Variants in COP1 observed in about 807,000 individuals in gnomAD.
The protein encoded by COP1 is E3 ubiquitin-protein ligase COP1.
A neutral mutation model predicts 101.3 loss-of-function variants in COP1; 24 were observed. The observed-to-expected ratio is 0.24, with a 90% CI of 0.17 to 0.33. The LOEUF is 0.33. COP1 is among the 10% of genes least tolerant of loss of function. COP1 has a pLI of 1.00. For synonymous variants in COP1, 347 were observed against 341.9 expected (o/e 1.01, Z -0.17); for missense variants, 663 against 906.2 (o/e 0.73, Z 3.45).
At chr1:176,179,712 G>A (rs1572711694) in intron 2 of COP1, among the ~76,000 whole-genome samples, 2 of 152,238 alleles carry the variant, frequency 1.3e-5, no homozygotes, top group East Asian at 3.9e-4. Flanking sequence ...ACTCCAGCCT[G>A]GTGAGAGAGT....
At chr1:176,049,860 C>T (rs1049153713) in intron 11 of COP1, among the ~76,000 whole-genome samples, 18 of 152,026 alleles carry the variant, frequency 1.2e-4, no homozygotes, top group African/African-American at 4.3e-4. Flanking sequence ...TCTGATAACC[C>T]AAGCAAAAGT....
At chr1:176,007,251 T>G (rs1177162021) in intron 15 of COP1, among the ~76,000 whole-genome samples, 1 of 152,126 alleles carries the variant, frequency 6.6e-6, no homozygotes, top group Non-Finnish European at 1.5e-5. Context: ...TCTTCTAAAT[T>G]TTTTTCAATG....
At chr1:176,052,278 A>T (rs1281505896) in intron 11 of COP1, among the ~76,000 whole-genome samples, 1 of 152,224 alleles carries the variant, frequency 6.6e-6, no homozygotes, top group Non-Finnish European at 1.5e-5. Context: ...TATCACCTAC[A>T]TGTCTAAGTA....
At chr1:176,139,912 T>C (rs1690407266) in intron 6 of COP1, among the ~76,000 whole-genome samples, 1 of 152,106 alleles carries the variant, frequency 6.6e-6, no homozygotes, top group African/African-American at 2.4e-5. Context: ...ACCATATATC[T>C]ACGTAAGAAA....
At chr1:176,143,013 A>C (rs1176958743) in intron 6 of COP1, among the ~76,000 whole-genome samples, 1 of 152,044 alleles carries the variant, frequency 6.6e-6, no homozygotes, top group Non-Finnish European at 1.5e-5. Context: ...AACATAAATA[A>C]AACAGAAAAC....
In COP1 at chr1:176,149,092, A is replaced by G. The variant is rs370017503; in HGVS notation, c.763-18T>C. 4.0e-6 allele frequency: 6 copies of G among 1,503,534 alleles called. No homozygotes were observed. The African/African-American group carries it at 8.3e-5, about 21-fold the overall frequency. 93.1% of individuals were successfully genotyped at this position (1,503,534 alleles called of 1,614,324 possible). A position where few individuals can be genotyped will look rare whatever the true frequency, so the allele number is the denominator to read the frequency against. ...TGTGATTCCTACAATAGAAAATTATAATTTTTCTTTTAAAAAATATAACTG... is the reference window on the plus strand; with the variant it reads ...TGTGATTCCTACAATAGAAAATTATGATTTTTCTTTTAAAAAATATAACTG... On this transcript the variant is annotated intron_variant, in intron 5 of 19. Transcript: ENST00000367669.
chr1:175,975,317 T>C (rs1009332528), intron 18 of COP1, among the ~76,000 whole-genome samples: 1 of 152,138 alleles, frequency 6.6e-6, no homozygotes, highest in Non-Finnish European at 1.5e-5. Flanking sequence ...ATGTGTGAGT[T>C]TGGAGTTAAT....
intron 11 of COP1, among the ~76,000 whole-genome samples, chr1:176,058,285 G>T (rs1434074041): frequency 6.6e-6 from 1 of 152,152 alleles, no homozygotes; most frequent in Non-Finnish European, 1.5e-5. Context: ...AGCTCATTGA[G>T]AACGGGCCAT....
At chr1:176,015,749 A>G (rs1469644469) in intron 15 of COP1, among the ~76,000 whole-genome samples, 1 of 152,168 alleles carries the variant, frequency 6.6e-6, no homozygotes, top group African/African-American at 2.4e-5. Context: ...ATTATATTAA[A>G]TAGTAATGAA....
intron 9 of COP1, among the ~76,000 whole-genome samples, chr1:176,105,543 C>A (rs540383823): frequency 6.6e-6 from 1 of 152,006 alleles, no homozygotes; most frequent in East Asian, 1.9e-4. Context: ...GTATTTTGAT[C>A]GTGACAGCTA....
chr1:176,058,478 A>C (rs945853524), intron 11 of COP1, among the ~76,000 whole-genome samples: 9 of 152,130 alleles, frequency 5.9e-5, no homozygotes, highest in Non-Finnish European at 1.3e-4. Flanking sequence ...GTGCTCTCTG[A>C]AACATGTGCT....
intron 9 of COP1, among the ~76,000 whole-genome samples, chr1:176,103,288 G>A (rs1199077674): frequency 6.6e-6 from 1 of 152,166 alleles, no homozygotes; most frequent in African/African-American, 2.4e-5. Flanking sequence ...GGATAAGGCT[G>A]GTCAAAAGAT....
intron 11 of COP1, 72 bp from the exon 12 acceptor site, chr1:176,046,396 A>G (rs1671525579): frequency 7.0e-7 from 1 of 1,425,882 alleles, no homozygotes; most frequent in East Asian, 2.4e-5. Flanking sequence ...AATTCGGTCT[A>G]CAAGGATAAA....
At chr1:176,123,047 T>C (rs1461775282) in intron 8 of COP1, among the ~76,000 whole-genome samples, 1 of 152,242 alleles carries the variant, frequency 6.6e-6, no homozygotes, top group Non-Finnish European at 1.5e-5. Context: ...GACTAGTTTG[T>C]ATTCTACTAC....
chr1:176,114,594 G>A (rs1255967134), intron 9 of COP1, among the ~76,000 whole-genome samples: 1 of 142,680 alleles, frequency 7.0e-6, no homozygotes, highest in East Asian at 2.3e-4. Context: ...TTTGCGGGGG[G>A]AGGGAGTGGG....
chr1:176,118,803 G>A (rs2149612605), intron 8 of COP1, among the ~76,000 whole-genome samples: 1 of 152,188 alleles, frequency 6.6e-6, no homozygotes, highest in South Asian at 2.1e-4. Flanking sequence ...ATAGCCAGAA[G>A]AAATGATAAA....
intron 18 of COP1, among the ~76,000 whole-genome samples, chr1:175,951,810 T>C (rs1013328340): frequency 1.3e-5 from 2 of 152,094 alleles, no homozygotes; most frequent in South Asian, 2.1e-4. Context: ...CAGTGACCTA[T>C]TGGGCAATAT....
At chr1:176,071,316 G>A (rs1283326862) in intron 11 of COP1, among the ~76,000 whole-genome samples, 1 of 152,044 alleles carries the variant, frequency 6.6e-6, no homozygotes, top group Non-Finnish European at 1.5e-5. Context: ...CCTAGAAACT[G>A]AGCAGATGCC....
At chr1:176,169,414 G>A (rs1028432637) in intron 3 of COP1, among the ~76,000 whole-genome samples, 2 of 152,044 alleles carry the variant, frequency 1.3e-5, no homozygotes, top group Non-Finnish European at 1.5e-5. Flanking sequence ...AGGAAATTAA[G>A]TTCAAAAAAA....
Sources: gnomAD v4.1 joint callset for allele counts (sites outside exome capture counted in the v4.1 genomes callset) on GRCh38, gnomAD v4.1.1 for gene constraint, MANE v1.5 for transcripts, NCBI Gene and HGNC (gene_info 2026-07-23, HGNC 2026-07-21) for gene names.